SMIM3: variants seen among roughly 807,000 people sequenced by gnomAD.
The protein encoded by SMIM3 is NGF-induced differentiation clone 67 protein.
Under a neutral mutation model 2.1 loss-of-function variants are expected in SMIM3, and 4 were observed. The observed-to-expected ratio is 1.89, with a 90% CI of 0.93 to 4.31. The LOEUF is 4.31. Among genes scored for constraint, SMIM3 ranks in the 30% most tolerant of loss-of-function variants. The pLI is 0.01. For missense variants in SMIM3, 79 were observed against 77.7 expected, an observed-to-expected ratio of 1.02 and a Z score of -0.06; for synonymous variants, 29 against 30.8, an observed-to-expected ratio of 0.94 and a Z score of 0.19.
At chr5:150,790,421 G>C (rs1205761661) in intron 1 of SMIM3, among the ~76,000 whole-genome samples, 1 of 152,148 alleles carries the variant, frequency 6.6e-6, no homozygotes, top group Admixed American at 6.5e-5. Flanking sequence ...CCCGCCCCCG[G>C]TCCTCTAACA....
intron 1 of SMIM3, among the ~76,000 whole-genome samples, chr5:150,787,854 A>C (rs1194581329): frequency 2.6e-5 from 4 of 152,194 alleles, no homozygotes; most frequent in Non-Finnish European, 5.9e-5. Flanking sequence ...GTGGTATTTC[A>C]CTTCCCTGTG....
chr5:150,785,580 CTTTTTTTTTTT>C (rs35273478), intron 1 of SMIM3, among the ~76,000 whole-genome samples: 21,577 of 114,002 alleles, frequency 0.19, 2,928 homozygotes, highest in African/African-American at 0.42. Context: ...TATTTCTTTT[CTTTTTTTTTTT>C]TTTTTTTTTG....
intron 1 of SMIM3, among the ~76,000 whole-genome samples, chr5:150,780,704 C>G (rs1461372120): frequency 6.6e-6 from 1 of 152,172 alleles, no homozygotes; most frequent in Non-Finnish European, 1.5e-5. Flanking sequence ...CCAGTCACAG[C>G]CTCAGATGCT....
chr5:150,789,713 T>C (rs1313766268), intron 1 of SMIM3, among the ~76,000 whole-genome samples: 1 of 152,170 alleles, frequency 6.6e-6, no homozygotes, highest in African/African-American at 2.4e-5. Context: ...TTTTTTCAGT[T>C]AGAAGAAAGA....
chr5:150,792,621 A>G (rs947285411), intron 1 of SMIM3, among the ~76,000 whole-genome samples: 7 of 152,138 alleles, frequency 4.6e-5, no homozygotes, highest in African/African-American at 1.4e-4. Context: ...TGTAGCCTGG[A>G]CCTCCTGGGC....
chr5:150,784,058 A>G (rs1191687813), intron 1 of SMIM3, among the ~76,000 whole-genome samples: 2 of 151,816 alleles, frequency 1.3e-5, no homozygotes, highest in East Asian at 1.9e-4. Flanking sequence ...AGCTGGGACT[A>G]CAGGTGTGCA....
At chr5:150,787,464 T>G (rs1753304553) in intron 1 of SMIM3, among the ~76,000 whole-genome samples, 1 of 152,218 alleles carries the variant, frequency 6.6e-6, no homozygotes, top group South Asian at 2.1e-4. Flanking sequence ...AAACAGTGTT[T>G]GACCTGGACT....
chr5:150,795,541 T>A lies in SMIM3; in HGVS notation c.101T>A (p.Met34Lys), dbSNP rs763263296. Residue 34 changes from methionine (M) to lysine (K), a missense_variant, in exon 2 of 2, where the codon ATG becomes AAG. Coordinates refer to ENST00000526627, the MANE Select transcript of SMIM3 (RefSeq NM_032947.5). Reference protein sequence around the residue: ...VLIILATIVIMTSLLLCPATA... With the variant: ...VLIILATIVIKTSLLLCPATA... Reference sequence around the variant, plus strand: ...ATCATCCTGGCCACCATTGTCATCATGACCTCGTTGTTGCTGTGCCCAGCC... The same window carrying A: ...ATCATCCTGGCCACCATTGTCATCAAGACCTCGTTGTTGCTGTGCCCAGCC... 2.9e-5 allele frequency: 47 copies of A among 1,610,748 alleles called. No individual in the cohort carries two copies. The highest frequency in any genetic ancestry group is 1.6e-4 in the Middle Eastern group (1 of 6,084).
At chr5:150,782,170 C>T (rs1753242744) in intron 1 of SMIM3, among the ~76,000 whole-genome samples, 1 of 152,194 alleles carries the variant, frequency 6.6e-6, no homozygotes, top group Non-Finnish European at 1.5e-5. Flanking sequence ...TGATTTGATT[C>T]ATTTCACATT....
intron 1 of SMIM3, among the ~76,000 whole-genome samples, chr5:150,793,086 GTTGT>G (rs1753365602): frequency 6.6e-6 from 1 of 151,380 alleles, no homozygotes; most frequent in African/African-American, 2.4e-5. Context: ...TACATATTAA[GTTGT>G]TTGATTGTGT....
In SMIM3 at chr5:150,795,426, G is replaced by T; in HGVS notation, c.-11-4G>T. 1.2e-6 allele frequency: 2 copies of T among 1,613,920 alleles called. No individual in the cohort carries two copies. The highest frequency in any genetic ancestry group is 1.7e-6 in the Non-Finnish European group (2 of 1,179,846). Reference sequence around the variant, plus strand: ...CAGTGATCTTCCTTTCTTGTCTGTTGCAGAGTGAAGCAACATGGATGCAGT... The same window carrying T: ...CAGTGATCTTCCTTTCTTGTCTGTTTCAGAGTGAAGCAACATGGATGCAGT... On this transcript the variant is annotated splice_polypyrimidine_tract_variant and splice_region_variant and intron_variant, in intron 1 of 1. Coordinates refer to ENST00000526627, the MANE Select transcript of SMIM3 (RefSeq NM_032947.5).
Position 150,778,861 on chromosome 5 carries a change from C to T in SMIM3, c.-123C>T, listed in dbSNP as rs528664585. The T allele has an allele frequency of 2.1e-4, 100 of 487,440 alleles. 4 individuals carry two copies. The highest frequency in any genetic ancestry group is 1.5e-3 in the South Asian group (99 of 65,590). 30.2% of individuals were successfully genotyped at this position (487,440 alleles called of 1,614,324 possible). ...CCAGGAGCTGCCTAGGGCTGAGGTT[C>T]CAGGCCTGGGGGTCGCTTCCAGCTG... On this transcript the variant is annotated 5_prime_UTR_variant, in exon 1 of 2. Coordinates refer to ENST00000526627, the MANE Select transcript of SMIM3 (RefSeq NM_032947.5).
chr5:150,781,342 G>A (rs1159947641), intron 1 of SMIM3, among the ~76,000 whole-genome samples: 2 of 152,162 alleles, frequency 1.3e-5, no homozygotes, highest in African/African-American at 4.8e-5. Context: ...CAACTCACTA[G>A]GGAAACAGAA....
chr5:150,783,363 G>A (rs907400761), intron 1 of SMIM3, among the ~76,000 whole-genome samples: 3 of 152,214 alleles, frequency 2.0e-5, no homozygotes, highest in Admixed American at 1.3e-4. Flanking sequence ...CTATAAGGTG[G>A]ACAATGCTGG....
chr5:150,782,483 C>T (rs1179353964), intron 1 of SMIM3, among the ~76,000 whole-genome samples: 2 of 152,142 alleles, frequency 1.3e-5, no homozygotes, highest in Non-Finnish European at 2.9e-5. Flanking sequence ...GTCCCCAGCT[C>T]CTGAGCACAT....
intron 1 of SMIM3, among the ~76,000 whole-genome samples, chr5:150,783,914 C>CTTTTTTTTTTT (rs557905770): frequency 1.6e-5 from 2 of 124,362 alleles, no homozygotes; most frequent in Non-Finnish European, 3.3e-5. Context: ...TTTGAACTCC[C>CTTTTTTTTTTT]TTTTTTTTTT....
intron 1 of SMIM3, among the ~76,000 whole-genome samples, chr5:150,783,994 C>T (rs1197303640): frequency 7.0e-6 from 1 of 143,682 alleles, no homozygotes; most frequent in Admixed American, 7.2e-5. Flanking sequence ...TCTTGGCTAA[C>T]TGCAACCTCC....
intron 1 of SMIM3, among the ~76,000 whole-genome samples, chr5:150,781,868 A>C (rs1753238883): frequency 6.6e-6 from 1 of 152,180 alleles, no homozygotes; most frequent in Admixed American, 6.5e-5. Flanking sequence ...TAGTGCCTTA[A>C]ACAGGATGCT....
intron 1 of SMIM3, among the ~76,000 whole-genome samples, chr5:150,785,181 A>G (rs1753277785): frequency 7.2e-6 from 1 of 139,560 alleles, no homozygotes; most frequent in Non-Finnish European, 1.5e-5. Context: ...TCTGCCTCCC[A>G]GGTTCAAGCG....
Sources: allele counts gnomAD v4.1 joint callset (sites outside exome capture counted in the v4.1 genomes callset), GRCh38; gene constraint gnomAD v4.1.1; transcripts MANE v1.5; gene names NCBI Gene and HGNC (gene_info 2026-07-23, HGNC 2026-07-21).